The following BSN variants were observed in gnomAD, a reference collection of about 807,000 sequenced individuals.
BSN encodes the protein protein bassoon.
In BSN, 57 loss-of-function variants were observed where a neutral mutation model predicts 264.8. That is an observed-to-expected ratio of 0.22 (90% CI 0.17 to 0.27). BSN has a LOEUF of 0.27. Ranked by LOEUF, BSN falls within the 10% of genes least tolerant of loss-of-function variation. BSN has a pLI of 1.00. For missense variants in BSN, 4,615 were observed against 5,232.5 expected (o/e 0.88, Z 3.64); for synonymous variants, 2,059 against 2,137.3 (o/e 0.96, Z 1.01).
chr3:49,618,063 C>T (rs1401544578), intron 1 of BSN, among the ~76,000 whole-genome samples: 1 of 152,104 alleles, frequency 6.6e-6, no homozygotes, highest in Non-Finnish European at 1.5e-5. Context: ...CTGACATCTC[C>T]TCTACTCCTA....
Position 49,664,928 on chromosome 3 carries a change from G to A in BSN, c.*14+75G>A, listed in dbSNP as rs1319069858. 7 of 1,098,286 alleles carry A rather than the reference G, an allele frequency of 6.4e-6. No individual in the cohort carries two copies. The African/African-American group carries it at 9.3e-5, about 15-fold the overall frequency. The allele number at this position is 1,098,286 out of a possible 1,614,324, so 68.0% of individuals were successfully genotyped here. The stretch of plus-strand genomic sequence containing the variant: ...ACTGGGGGTGGGGGTGGGGCTCTAA[G>A]TCCGAAGGGGTCCTCTGGGAGGAGT... On this transcript the variant is annotated intron_variant, in intron 10 of 11. Coordinates refer to ENST00000296452, the MANE Select transcript of BSN (RefSeq NM_003458.4).
chr3:49,663,108 C>T lies in BSN; in HGVS notation c.10950C>T (p.His3650=), dbSNP rs756934321. The change falls in exon 7 of 12, where the codon CAC becomes CAT. Residue 3650 remains histidine, a synonymous_variant. Coordinates refer to ENST00000296452, the MANE Select transcript of BSN (RefSeq NM_003458.4). ...CCAAGGAACACCGGCACGGTGACCACGGGCGGCACTCAGGCCGCCACACTG... is the reference window on the plus strand; with the variant it reads ...CCAAGGAACACCGGCACGGTGACCATGGGCGGCACTCAGGCCGCCACACTG... ...ASAKEHRHGD[H]GRHSGRHTGE... is the part of the protein sequence containing the mutation. 52 of 1,611,666 alleles carry T rather than the reference C, an allele frequency of 3.2e-5. No homozygotes were observed. The Admixed American group carries it at 3.8e-4, about 12-fold the overall frequency.
At position 49,647,154 on chromosome 3, in the gene BSN, C is replaced by T. The variant is rs186389608; in HGVS notation, c.1519-3458C>T. The stretch of plus-strand genomic sequence containing the variant: ...GCCAGCTCCACACATGAAGAGATTA[C>T]GTGGAATGTAGGTTCATTCAGATGA... On this transcript the variant is annotated intron_variant, in intron 3 of 11. Transcript: ENST00000296452. 4.6e-5 allele frequency among the ~76,000 whole-genome samples: 7 copies of T among 152,338 alleles called. No homozygotes were observed. The East Asian group carries it at 1.2e-3, about 25-fold the overall frequency.
chr3:49,654,940 G>A lies in BSN; in HGVS notation c.5384G>A (p.Arg1795Lys). 6.2e-7 allele frequency: 1 copy of A among 1,611,888 alleles called. No homozygotes were observed. Among genetic ancestry groups the A allele is most frequent in the African/African-American group, 1.3e-5 (1 of 75,012 alleles). Reference protein sequence around the residue: ...PYRSGPRGRPREAKFARYNLP... With the variant: ...PYRSGPRGRPKEAKFARYNLP... ...CGAAGTGGGCCCCGGGGAAGACCCA[G>A]GGAGGCCAAGTTTGCCAGATATAAC... is the stretch of plus-strand genomic sequence containing the variant. Residue 1795 changes from arginine to lysine, a missense_variant, in exon 5 of 12, where the codon AGG becomes AAG. Arg to Lys is a conservative substitution (Grantham distance 26, BLOSUM62 2). Transcript: ENST00000296452. This position sits in a 1 kb window ranked among gnomAD's most constrained non-coding sequence, Gnocchi z 4.1.
chr3:49,667,045 A>G (rs1302911511), intron 11 of BSN, among the ~76,000 whole-genome samples: 1 of 152,216 alleles, frequency 6.6e-6, no homozygotes. Context: ...GTTTGGGGCC[A>G]GGGTATGGCT....
chr3:49,649,917 C>T (rs1046920521), intron 3 of BSN, among the ~76,000 whole-genome samples: 2 of 152,240 alleles, frequency 1.3e-5, no homozygotes, highest in African/African-American at 4.8e-5. Context: ...ATCAGAGGAA[C>T]AGTCCAGAGC....
intron 1 of BSN, among the ~76,000 whole-genome samples, chr3:49,574,232 T>A (rs577697054): frequency 7.1e-6 from 1 of 140,724 alleles, no homozygotes; most frequent in East Asian, 2.0e-4. Context: ...CCTCCCAAAG[T>A]TTTGGGATTA....
In BSN at chr3:49,607,828, G is replaced by A. The variant is rs77857805; in HGVS notation, c.225-17147G>A. Among the ~76,000 whole-genome samples the A allele has an allele frequency of 3.0e-3, 462 of 152,344 alleles. 2 individuals are homozygous for A. Among genetic ancestry groups the A allele is most frequent in the African/African-American group, 0.011 (452 of 41,578 alleles). On this transcript the variant is annotated intron_variant, in intron 1 of 11. Transcript: ENST00000296452. ...TAGAGGAGGGAGCTCCTGGTGGTCAGTATACCAGAGGGAGGGCCTCTTCTC... is the reference window on the plus strand; with the variant it reads ...TAGAGGAGGGAGCTCCTGGTGGTCAATATACCAGAGGGAGGGCCTCTTCTC...
chr3:49,633,132 T>C (rs749141964), intron 2 of BSN, among the ~76,000 whole-genome samples: 1 of 151,676 alleles, frequency 6.6e-6, no homozygotes, highest in Non-Finnish European at 1.5e-5. Context: ...AGAAACTCTG[T>C]CTCTACTGAA....
rs899290787 is a variant in BSN, at chr3:49,554,710, G to T, written c.108G>T (p.Pro36=). 5.9e-6 allele frequency: 7 copies of T among 1,188,918 alleles called. No homozygotes were observed. In the African/African-American group the frequency reaches 9.7e-5, roughly 16 times the overall value. The allele number at this position is 1,188,918 out of a possible 1,614,324, so 73.6% of individuals were successfully genotyped here. A position where few individuals can be genotyped will look rare whatever the true frequency, so the allele number is the denominator to read the frequency against. ...GPGPGPGAGK[P]PSAPAGGGQL... ...GCCCCGGCCCCGGCGCAGGAAAGCC[G>T]CCTTCAGCACCGGCCGGTGGCGGAC... Residue 36 remains proline (P), a synonymous_variant, in exon 1 of 12, where the codon CCG becomes CCT. Coordinates refer to ENST00000296452, the MANE Select transcript of BSN (RefSeq NM_003458.4).
In BSN at chr3:49,660,118, C is replaced by G. The variant is rs1359414390; in HGVS notation, c.8641-368C>G. Among the ~76,000 whole-genome samples the G allele has an allele frequency of 6.6e-6, 1 of 152,142 alleles. No individual in the cohort carries two copies. On this transcript the variant is annotated intron_variant, in intron 5 of 11. Transcript: ENST00000296452. This position sits in a 1 kb window ranked among gnomAD's most constrained non-coding sequence, Gnocchi z 7.1. ...CTAGGCCCCAAACCCAGAGCCACAG[C>G]TGTACTCTTCTTACCTCAATGTGAG...
chr3:49,655,621 C>T lies in BSN; in HGVS notation c.6065C>T (p.Ser2022Phe), dbSNP rs1448373590. ...ATGGACCTCAGCTCACTGAAGCACTCCTACAGCCTGGGCTTTGCGGATGGA... is the reference window on the plus strand; with the variant it reads ...ATGGACCTCAGCTCACTGAAGCACTTCTACAGCCTGGGCTTTGCGGATGGA... The part of the protein sequence containing the change: ...SAMDLSSLKH[S>F]YSLGFADGRY... Residue 2022 changes from serine to phenylalanine, a missense_variant, in exon 5 of 12, where the codon TCC becomes TTC. Physicochemically the swap from Ser to Phe is radical, Grantham distance 155 (BLOSUM62 -2). Transcript: ENST00000296452. 3.7e-6 allele frequency: 6 copies of T among 1,613,742 alleles called. 1 individual carries two copies. The South Asian group carries it at 6.6e-5, about 18-fold the overall frequency.
rs577534955 is a variant in BSN at position 49,655,422 on chromosome 3, C to A, written c.5866C>A (p.Arg1956=). The change falls in exon 5 of 12, where the codon CGG becomes AGG. Residue 1956 remains arginine (R), a synonymous_variant. Coordinates refer to ENST00000296452, the MANE Select transcript of BSN (RefSeq NM_003458.4). The part of the protein sequence containing the change: ...DPEPPEPPTY[R]AQGVVGPGPH... Reference sequence around the variant, plus strand: ...TGAGCCTCCTGAGCCCCCAACCTACCGGGCACAGGGGGTGGTGGGGCCTGG... The same window carrying A: ...TGAGCCTCCTGAGCCCCCAACCTACAGGGCACAGGGGGTGGTGGGGCCTGG... 1 of 1,569,540 alleles carries A rather than the reference C, an allele frequency of 6.4e-7. No homozygotes were observed. Among genetic ancestry groups the A allele is most frequent in the Non-Finnish European group, 8.6e-7 (1 of 1,157,520 alleles).
Position 49,655,191 on chromosome 3 carries a change from C to T in BSN, c.5635C>T (p.Leu1879Phe), listed in dbSNP as rs1240903959. 2 of 1,612,856 alleles carry T rather than the reference C, an allele frequency of 1.2e-6. No homozygotes were observed. The highest frequency in any genetic ancestry group is 2.7e-5 in the African/African-American group (2 of 74,958). The change falls in exon 5 of 12, where the codon CTC becomes TTC. Residue 1879 changes from leucine to phenylalanine, a missense_variant. Transcript: ENST00000296452. ...EGTAGTVTTL[L>F]PEEPAGALDL... ...CACAGCAGGCACTGTGACCACACTG[C>T]TCCCAGAGGAGCCTGCGGGTGCCCT...
intron 1 of BSN, among the ~76,000 whole-genome samples, chr3:49,580,048 C>G (rs2051883342): frequency 6.6e-6 from 1 of 152,176 alleles, no homozygotes; most frequent in East Asian, 1.9e-4. Context: ...ATATATTGGT[C>G]TAAAGTTTTC....
In BSN at chr3:49,661,703, A is replaced by G; in HGVS notation, c.9858A>G (p.Arg3286=). The change falls in exon 6 of 12, where the codon AGA becomes AGG. Residue 3286 remains arginine (R), a synonymous_variant. Transcript: ENST00000296452. ...DGPTLPCCYA[R]GEEESEEDSY... Reference sequence around the variant, plus strand: ...CCACACTGCCCTGCTGCTATGCCAGAGGAGAAGAGGAATCTGAGGAGGACT... The same window carrying G: ...CCACACTGCCCTGCTGCTATGCCAGGGGAGAAGAGGAATCTGAGGAGGACT... The G allele has an allele frequency of 6.2e-7, 1 of 1,613,704 alleles. No homozygotes were observed. The highest frequency in any genetic ancestry group is 8.5e-7 in the Non-Finnish European group (1 of 1,180,032).
intron 1 of BSN, among the ~76,000 whole-genome samples, chr3:49,621,928 AGAG>A (rs1347076626): frequency 3.3e-5 from 5 of 152,166 alleles, no homozygotes; most frequent in African/African-American, 1.2e-4. Context: ...GCTGTAAAGA[AGAG>A]GAGAGAAATG....
At chr3:49,629,381 G>C (rs1198195905) in intron 2 of BSN, among the ~76,000 whole-genome samples, 2 of 152,250 alleles carry the variant, frequency 1.3e-5, no homozygotes, top group Non-Finnish European at 2.9e-5. Flanking sequence ...TTGGGGGTGG[G>C]AGGGAGACAA....
intron 2 of BSN, chr3:49,640,513 T>G (rs1259685575): frequency 6.6e-6 from 1 of 152,232 alleles, no homozygotes; most frequent in Non-Finnish European, 1.5e-5. Context: ...TATTTAATTA[T>G]TTTGAGATGG....
Sources: gnomAD v4.1 joint callset for allele counts (sites outside exome capture counted in the v4.1 genomes callset) on GRCh38, gnomAD v4.1.1 for gene constraint, Gnocchi (gnomAD v3.1) non-coding constraint, MANE v1.5 for transcripts, NCBI Gene and HGNC (gene_info 2026-07-23, HGNC 2026-07-21) for gene names.